The following TTLL5 variants were observed in gnomAD, a reference collection of about 807,000 sequenced individuals.
The protein encoded by TTLL5 is tubulin polyglutamylase TTLL5.
A neutral mutation model predicts 168.4 loss-of-function variants in TTLL5; 132 were observed. The ratio of observed to expected loss-of-function variants is 0.78; its 90% CI spans 0.68 to 0.91. TTLL5 has a LOEUF of 0.91. Among genes scored for constraint, TTLL5 ranks in the 40% least tolerant of loss-of-function variants. TTLL5 has a pLI of 0.00. For missense variants in TTLL5, 1,545 were observed against 1,581.5 expected (o/e 0.98, Z 0.39); for synonymous variants, 546 against 558.6 (o/e 0.98, Z 0.32).
intron 31 of TTLL5, chr14:75,930,780 C>T (rs866842481): frequency 2.8e-6 from 1 of 352,604 alleles, no homozygotes; most frequent in Non-Finnish European, 4.0e-6. Flanking sequence ...CTTAGCCGGA[C>T]AATCCTAACA....
At chr14:75,796,810 G>A (rs1423109897) in intron 27 of TTLL5, among the ~76,000 whole-genome samples, 1 of 152,148 alleles carries the variant, frequency 6.6e-6, no homozygotes, top group Non-Finnish European at 1.5e-5. Context: ...CCAGTACCAT[G>A]CTGTTTTGGT....
chr14:75,915,647 A>G (rs1044602389), intron 31 of TTLL5, among the ~76,000 whole-genome samples: 1 of 152,232 alleles, frequency 6.6e-6, no homozygotes, highest in Non-Finnish European at 1.5e-5. Flanking sequence ...TGAAGATGAT[A>G]GATTGCCTCA....
At chr14:75,898,628 T>TA (rs1481469667) in intron 30 of TTLL5, among the ~76,000 whole-genome samples, 1 of 152,162 alleles carries the variant, frequency 6.6e-6, no homozygotes, top group East Asian at 1.9e-4. Flanking sequence ...GGTGACAGAG[T>TA]AAGACCCTGT....
At chr14:75,924,881 CT>C (rs2033961038) in intron 31 of TTLL5, among the ~76,000 whole-genome samples, 1 of 151,204 alleles carries the variant, frequency 6.6e-6, no homozygotes, top group South Asian at 2.1e-4. Context: ...CGCCCCTCAC[CT>C]CCCGGATGGG....
intron 27 of TTLL5, among the ~76,000 whole-genome samples, chr14:75,817,301 T>C (rs963664247): frequency 6.6e-6 from 1 of 152,094 alleles, no homozygotes; most frequent in African/African-American, 2.4e-5. Flanking sequence ...TTAGTTAGCA[T>C]ATGCCCTTCT....
chr14:75,760,678 A>G (rs1890580132), intron 18 of TTLL5, among the ~76,000 whole-genome samples: 1 of 152,122 alleles, frequency 6.6e-6, no homozygotes, highest in African/African-American at 2.4e-5. Context: ...CAATGGTGAA[A>G]GGAAATTATT....
intron 30 of TTLL5, among the ~76,000 whole-genome samples, chr14:75,890,598 A>G (rs1297425654): frequency 1.3e-5 from 2 of 152,234 alleles, no homozygotes; most frequent in Admixed American, 1.3e-4. Context: ...AACATAGAAC[A>G]AGTGGAAATT....
At chr14:75,671,749 T>C (rs1883769966) in intron 3 of TTLL5, among the ~76,000 whole-genome samples, 1 of 152,234 alleles carries the variant, frequency 6.6e-6, no homozygotes, top group African/African-American at 2.4e-5. Flanking sequence ...TCCTGAAACC[T>C]TGCTGCACTC....
In TTLL5 at chr14:75,719,926, T is replaced by C. The variant is rs1261271406; in HGVS notation, c.934+100T>C. 5.7e-6 allele frequency: 7 copies of C among 1,235,658 alleles called. No individual in the cohort carries two copies. The South Asian group carries it at 6.3e-5, about 11-fold the overall frequency. The allele number at this position is 1,235,658 out of a possible 1,614,324, so 76.5% of individuals were successfully genotyped here. ...TTCTCTGTTGCTTTGATAGTGTTGC[T>C]GAGACGGGATGATTGTCCTTGGTGT... On this transcript the variant is annotated intron_variant, in intron 11 of 31. Coordinates refer to ENST00000298832, the MANE Select transcript of TTLL5 (RefSeq NM_015072.5).
At chr14:75,723,775 C>T (rs1348898719) in intron 12 of TTLL5, among the ~76,000 whole-genome samples, 1 of 152,106 alleles carries the variant, frequency 6.6e-6, no homozygotes, top group Admixed American at 6.6e-5. Context: ...CTCCTTTCTT[C>T]CTCCCTACTT....
intron 5 of TTLL5, among the ~76,000 whole-genome samples, chr14:75,686,345 A>G (rs1282195536): frequency 1.3e-5 from 2 of 152,090 alleles, no homozygotes; most frequent in Admixed American, 6.5e-5. Context: ...TTCTATATCC[A>G]TCTCTCAATG....
At chr14:75,949,762 A>T (rs1291837670) in intron 31 of TTLL5, among the ~76,000 whole-genome samples, 1 of 151,776 alleles carries the variant, frequency 6.6e-6, no homozygotes, top group African/African-American at 2.4e-5. Flanking sequence ...AGGCACGAGA[A>T]TCGCTTGAAC....
At chr14:75,785,207 AT>A (rs1473732730) in intron 26 of TTLL5, among the ~76,000 whole-genome samples, 1 of 96,922 alleles carries the variant, frequency 1.0e-5, no homozygotes, top group East Asian at 3.2e-4. Flanking sequence ...TTTGAGACGG[AT>A]TGTTGCTGTG....
At chr14:75,869,096 A>C (rs922011503) in intron 29 of TTLL5, among the ~76,000 whole-genome samples, 1 of 149,008 alleles carries the variant, frequency 6.7e-6, no homozygotes, top group Admixed American at 6.8e-5. Context: ...TCCGGAACTT[A>C]ATGTCATAAC....
intron 27 of TTLL5, among the ~76,000 whole-genome samples, chr14:75,802,598 A>G (rs948669792): frequency 6.6e-6 from 1 of 152,164 alleles, no homozygotes; most frequent in Admixed American, 6.5e-5. Context: ...GTGCATGTGT[A>G]TATGTATGTA....
chr14:75,691,930 A>G (rs906891581), intron 6 of TTLL5, among the ~76,000 whole-genome samples: 2 of 152,156 alleles, frequency 1.3e-5, no homozygotes, highest in East Asian at 3.8e-4. Context: ...CCATTTATCT[A>G]ATAGCGTTTG....
chr14:75,884,369 A>G (rs1180792894), intron 30 of TTLL5, among the ~76,000 whole-genome samples: 5 of 152,216 alleles, frequency 3.3e-5, no homozygotes, highest in Non-Finnish European at 7.3e-5. Flanking sequence ...AGGTGGGCCC[A>G]GGCGGCAGGG....
Position 75,681,534 on chromosome 14 carries a change from T to G in TTLL5, c.182-11T>G, listed in dbSNP as rs1884611963. 2.5e-6 allele frequency: 4 copies of G among 1,611,732 alleles called. No individual in the cohort carries two copies. The East Asian group carries it at 6.7e-5, about 27-fold the overall frequency. Reference sequence around the variant, plus strand: ...TTTCTAGTTACTGAACTTGATTCTGTTTTTCTTTAGAACGTTATCATTTGT... The same window carrying G: ...TTTCTAGTTACTGAACTTGATTCTGGTTTTCTTTAGAACGTTATCATTTGT... On this transcript the variant is annotated splice_polypyrimidine_tract_variant and intron_variant, in intron 3 of 31. Coordinates refer to ENST00000298832, the MANE Select transcript of TTLL5 (RefSeq NM_015072.5).
Position 75,691,795 on chromosome 14 carries a change from A to C in TTLL5, c.502+1473A>C, listed in dbSNP as rs922096144. On this transcript the variant is annotated intron_variant, in intron 6 of 31. Coordinates refer to ENST00000298832, the MANE Select transcript of TTLL5 (RefSeq NM_015072.5). ...AGTAGCATGGGGAGAAGAGAGAGTT[A>C]TCTCTAGACTTCCTGACTTTTGATT... is the stretch of plus-strand genomic sequence containing the variant. 2.6e-5 allele frequency among the ~76,000 whole-genome samples: 4 copies of C among 152,342 alleles called. No homozygotes were observed. The East Asian group carries it at 5.8e-4, about 22-fold the overall frequency.
Sources: gnomAD v4.1 joint callset for allele counts (sites outside exome capture counted in the v4.1 genomes callset) on GRCh38, gnomAD v4.1.1 for gene constraint, MANE v1.5 for transcripts, NCBI Gene and HGNC (gene_info 2026-07-23, HGNC 2026-07-21) for gene names.